The following FANCC variants were observed in gnomAD, a reference collection of about 807,000 sequenced individuals.
FANCC encodes the protein Fanconi anemia group C protein.
FANCC carries 55 observed loss-of-function variants against 71.3 expected under a neutral mutation model. That is an observed-to-expected ratio of 0.77 (90% CI 0.62 to 0.97). The LOEUF (loss-of-function observed/expected upper bound fraction) is 0.97, where lower values mean the gene tolerates loss of function less well. Ranked by LOEUF, FANCC falls within the 50% of genes least tolerant of loss-of-function variation. The pLI is 0.00. For missense variants in FANCC, 678 were observed against 670.9 expected (o/e 1.01, Z -0.12); for synonymous variants, 275 against 244.9 (o/e 1.12, Z -1.15).
At chr9:95,124,684 A>G (rs1238866169) in intron 10 of FANCC, among the ~76,000 whole-genome samples, 2 of 152,192 alleles carry the variant, frequency 1.3e-5, no homozygotes, top group Non-Finnish European at 2.9e-5. Flanking sequence ...GTGCTTTGTA[A>G]TAAGTGCCCT....
chr9:95,113,358 G>A (rs186661773), intron 12 of FANCC, among the ~76,000 whole-genome samples: 3 of 152,316 alleles, frequency 2.0e-5, no homozygotes, highest in South Asian at 2.1e-4. Context: ...GATAGTCTTA[G>A]TAGGCTAGCA....
chr9:95,257,759 G>C (rs1379486154), intron 1 of FANCC, among the ~76,000 whole-genome samples: 2 of 152,066 alleles, frequency 1.3e-5, no homozygotes, highest in Non-Finnish European at 2.9e-5. Context: ...TTTTGGAAAA[G>C]ATTAACAAAA....
chr9:95,178,518 A>G (rs893854099), intron 4 of FANCC, among the ~76,000 whole-genome samples: 1 of 152,226 alleles, frequency 6.6e-6, no homozygotes, highest in Non-Finnish European at 1.5e-5. Flanking sequence ...TCCTCCTCTG[A>G]GGGGAGCGCC....
chr9:95,214,347 G>A (rs1828716373), intron 4 of FANCC, among the ~76,000 whole-genome samples: 1 of 152,076 alleles, frequency 6.6e-6, no homozygotes, highest in Non-Finnish European at 1.5e-5. Flanking sequence ...TTGGAAGATC[G>A]GTTGAGCCCA....
intron 7 of FANCC, among the ~76,000 whole-genome samples, chr9:95,137,346 A>G (rs1827849660): frequency 6.6e-6 from 1 of 152,022 alleles, no homozygotes; most frequent in African/African-American, 2.4e-5. Context: ...ACCCGGGGAG[A>G]CTGCGGAGGA....
rs2135168243 is a variant in FANCC, at chr9:95,135,483, TG to T, written c.705del (p.Met236CysfsTer4). 6.2e-7 allele frequency: 1 copy of T among 1,613,870 alleles called. No individual in the cohort carries two copies. ...AGCCAGAGGCAGACTACAGCTGACATGGGGAGAGAAATCTTCTTCCTTTCAG... is the reference window on the plus strand; with the variant it reads ...AGCCAGAGGCAGACTACAGCTGACATGGGAGAGAAATCTTCTTCCTTTCAG... ...EAILLKKISL[P>X]MSAVVCLWLR... On this transcript the variant is annotated frameshift_variant, in exon 8 of 15. Transcript: ENST00000289081. LOFTEE classifies it high-confidence loss of function.
In FANCC at chr9:95,244,668, G is replaced by A. The variant is rs181332074; in HGVS notation, c.250+2764C>T. Among the ~76,000 whole-genome samples the A allele has an allele frequency of 1.2e-3, 99 of 81,850 alleles. 2 individuals are homozygous for A. In the Admixed American group the frequency reaches 0.021, roughly 17 times the overall value. The allele number at this position is 81,850 out of a possible 152,430, so 53.7% of individuals were successfully genotyped here. ...CACTCCAGCCTAGGCAACAGAGCAA[G>A]ACTTTGTCTCAAAAAAAAAAAAAAA... On this transcript the variant is annotated intron_variant, in intron 3 of 14. Transcript: ENST00000289081.
At chr9:95,122,666 C>T (rs73528483) in intron 10 of FANCC, among the ~76,000 whole-genome samples, 2,119 of 152,230 alleles carry the variant, frequency 0.014, 52 homozygotes, top group African/African-American at 0.048. Flanking sequence ...ATAGTGCCCA[C>T]GGCCAACATA....
chr9:95,266,712 C>T (rs536742388), intron 1 of FANCC, among the ~76,000 whole-genome samples: 49 of 152,250 alleles, frequency 3.2e-4, no homozygotes, highest in African/African-American at 1.0e-3. Context: ...AACCATAGCA[C>T]CCTAATAAAT....
chr9:95,246,735 A>C (rs4647421), intron 3 of FANCC, among the ~76,000 whole-genome samples: 34,030 of 152,182 alleles, frequency 0.22, 4,952 homozygotes, highest in Non-Finnish European at 0.33. Flanking sequence ...GCTATTTCAA[A>C]GGAGAATGAG....
intron 1 of FANCC, among the ~76,000 whole-genome samples, chr9:95,254,708 T>A (rs549244204): frequency 1.2e-4 from 18 of 152,116 alleles, no homozygotes; most frequent in Non-Finnish European, 2.1e-4. Flanking sequence ...CAGTGGCACC[T>A]GGAACACCAG....
At chr9:95,120,864 T>C (rs1171428143) in intron 10 of FANCC, among the ~76,000 whole-genome samples, 2 of 152,246 alleles carry the variant, frequency 1.3e-5, no homozygotes, top group Non-Finnish European at 2.9e-5. Flanking sequence ...GTTTTCTTTT[T>C]TCCCCTCAAT....
At chr9:95,209,380 T>C (rs1269698591) in intron 4 of FANCC, among the ~76,000 whole-genome samples, 1 of 152,190 alleles carries the variant, frequency 6.6e-6, no homozygotes, top group Non-Finnish European at 1.5e-5. Context: ...CTACAGACTC[T>C]GAATGATAAC....
At chr9:95,167,010 TTTTG>T (rs1311736189) in intron 6 of FANCC, among the ~76,000 whole-genome samples, 1 of 152,240 alleles carries the variant, frequency 6.6e-6, no homozygotes, top group African/African-American at 2.4e-5. Context: ...CTCCTTCAGC[TTTTG>T]TTTATCTGGG....
Position 95,114,705 on chromosome 9 carries a change from G to A in FANCC, c.1078C>T (p.Pro360Ser). 1 of 1,614,096 alleles carries A rather than the reference G, an allele frequency of 6.2e-7. No individual in the cohort carries two copies. Among genetic ancestry groups the A allele is most frequent in the Non-Finnish European group, 8.5e-7 (1 of 1,179,952 alleles). Residue 360 changes from proline (P) to serine (S), a missense_variant, in exon 12 of 15, where the codon CCT (proline) becomes TCT (serine). Transcript: ENST00000289081. ...AGTGTCTGGAGCCAGTGTCCCCGAG[G>A]GATATCTGCGGGTGGAGAGAGATAC... ...MVLLQDPQDI[P>S]RGHWLQTLKH...
intron 8 of FANCC, among the ~76,000 whole-genome samples, chr9:95,134,145 C>T (rs952748804): frequency 3.3e-5 from 5 of 152,120 alleles, no homozygotes; most frequent in African/African-American, 1.2e-4. Context: ...CTATGCACAT[C>T]GCCCTGGGAG....
Position 95,111,646 on chromosome 9 carries a change from G to C in FANCC, c.1155-9C>G, listed in dbSNP as rs1046168927. 6.2e-7 allele frequency: 1 copy of C among 1,614,148 alleles called. No homozygotes were observed. The highest frequency in any genetic ancestry group is 1.3e-5 in the African/African-American group (1 of 75,082). On this transcript the variant is annotated splice_polypyrimidine_tract_variant and intron_variant, in intron 12 of 14. Coordinates refer to ENST00000289081, the MANE Select transcript of FANCC (RefSeq NM_000136.3). The stretch of plus-strand genomic sequence containing the variant: ...AGGGACCTCCGCAGGACCTGGAACA[G>C]AGGCAGAACACATGGCAGTTGACAA...
intron 4 of FANCC, among the ~76,000 whole-genome samples, chr9:95,203,272 G>A (rs917019504): frequency 6.6e-6 from 1 of 151,060 alleles, no homozygotes; most frequent in Non-Finnish European, 1.5e-5. Context: ...GGTGGCATGT[G>A]CCTGTGGTTC....
chr9:95,149,773 C>T (rs1397899332), intron 7 of FANCC, 150 bp downstream of exon 7: 2 of 935,478 alleles, frequency 2.1e-6, no homozygotes, highest in African/African-American at 3.3e-5. Context: ...GCCACCACAC[C>T]TGGCCGGGAT....
Sources: allele counts gnomAD v4.1 joint callset (sites outside exome capture counted in the v4.1 genomes callset), GRCh38; gene constraint gnomAD v4.1.1; transcripts MANE v1.5; gene names NCBI Gene and HGNC (gene_info 2026-07-23, HGNC 2026-07-21).